The following ANO4 variants were observed in gnomAD, a reference collection of about 807,000 sequenced individuals.
ANO4 encodes the protein anoctamin-4.
Under a neutral mutation model 141.9 loss-of-function variants are expected in ANO4, and 69 were observed. The observed-to-expected ratio is 0.49, with a 90% CI of 0.40 to 0.59. The LOEUF is 0.59. ANO4 is among the 20% of genes least tolerant of loss of function. The probability of loss-of-function intolerance (pLI) is 0.00; values close to 1 mark genes in which losing one functional copy is unlikely to be tolerated. For synonymous variants in ANO4, 350 were observed against 394.3 expected (o/e 0.89, Z 1.33); for missense variants, 894 against 1,162.2 (o/e 0.77, Z 3.36).
intron 14 of ANO4, among the ~76,000 whole-genome samples, chr12:101,067,762 T>C (rs2048651463): frequency 6.6e-6 from 1 of 152,236 alleles, no homozygotes; most frequent in Admixed American, 6.5e-5. Context: ...GAGGCTTAGC[T>C]GATTTTAAAG....
chr12:100,841,761 T>C (rs1446202917), intron 1 of ANO4, among the ~76,000 whole-genome samples: 1 of 152,164 alleles, frequency 6.6e-6, no homozygotes, highest in African/African-American at 2.4e-5. Flanking sequence ...TTCAGAAATA[T>C]AGGATATAAT....
chr12:100,956,268 C>A (rs1053510677), intron 5 of ANO4, among the ~76,000 whole-genome samples: 3 of 152,176 alleles, frequency 2.0e-5, no homozygotes, highest in Admixed American at 6.5e-5. Flanking sequence ...CAAACTTAGC[C>A]AAGATCATGA....
chr12:100,738,032 G>C (rs1230130970), intron 2 of ANO4, among the ~76,000 whole-genome samples: 2 of 152,168 alleles, frequency 1.3e-5, no homozygotes, highest in Admixed American at 1.3e-4. Flanking sequence ...TACTCGATTA[G>C]CTCCTTATTT....
chr12:100,825,518 A>G (rs542674873), intron 1 of ANO4, among the ~76,000 whole-genome samples: 18 of 152,176 alleles, frequency 1.2e-4, no homozygotes, highest in African/African-American at 4.3e-4. Flanking sequence ...ATAATTAACT[A>G]GACACAAATG....
intron 8 of ANO4, among the ~76,000 whole-genome samples, chr12:100,989,897 TGGATGGATG>T (rs922905599): frequency 6.0e-5 from 9 of 150,660 alleles, no homozygotes; most frequent in Non-Finnish European, 1.0e-4. Flanking sequence ...GATGGGTGGA[TGGATGGATG>T]GATGGATGGA....
exon 3 of ANO4, chr12:100,739,859 G>A: frequency 1.4e-6 from 1 of 702,444 alleles, no homozygotes; most frequent in Non-Finnish European, 2.6e-6. Flanking sequence ...ACCAGGTTAT[G>A]ACGTTGCGGG....
chr12:101,086,080 C>G (rs1303127398), intron 16 of ANO4, among the ~76,000 whole-genome samples: 7 of 131,736 alleles, frequency 5.3e-5, no homozygotes, highest in Non-Finnish European at 8.1e-5. Flanking sequence ...GTTAACTAGG[C>G]TGTGTGTGTG....
chr12:101,003,745 T>C (rs542524047), intron 8 of ANO4, among the ~76,000 whole-genome samples: 58 of 152,252 alleles, frequency 3.8e-4, no homozygotes, highest in Non-Finnish European at 7.8e-4. Flanking sequence ...TTAACAATCA[T>C]GTATTGTATA....
chr12:100,844,174 T>G (rs144027622), intron 1 of ANO4, among the ~76,000 whole-genome samples: 1 of 151,888 alleles, frequency 6.6e-6, no homozygotes, highest in Non-Finnish European at 1.5e-5. Flanking sequence ...TAATTTCAGA[T>G]AGTGTTAAGG....
At chr12:100,955,280 C>T (rs572896883) in intron 5 of ANO4, among the ~76,000 whole-genome samples, 5 of 152,314 alleles carry the variant, frequency 3.3e-5, no homozygotes, top group Admixed American at 2.0e-4. Flanking sequence ...GGACATCAGT[C>T]GGAGCAGCAC....
At position 101,004,240 on chromosome 12, in the gene ANO4, G is replaced by T. The variant is rs142331277; in HGVS notation, c.735-15794G>T. 1.2e-4 allele frequency among the ~76,000 whole-genome samples: 19 copies of T among 152,180 alleles called. No homozygotes were observed. In the East Asian group the frequency reaches 3.7e-3, roughly 30 times the overall value. ...AAGTGAAGCAGCTACTGCCTCTAGA[G>T]TTGGGGGAGCAAAATGAAGAGGTTG... On this transcript the variant is annotated intron_variant, in intron 8 of 27. Transcript: ENST00000392977.
chr12:100,735,985 A>T (rs1458763706), intron 2 of ANO4, among the ~76,000 whole-genome samples: 1 of 152,196 alleles, frequency 6.6e-6, no homozygotes, highest in Non-Finnish European at 1.5e-5. Context: ...CCAAGGACCA[A>T]TCTTTGGGGG....
chr12:100,779,684 C>T (rs961687320), intron 3 of ANO4, among the ~76,000 whole-genome samples: 1 of 152,196 alleles, frequency 6.6e-6, no homozygotes, highest in Non-Finnish European at 1.5e-5. Flanking sequence ...GCCAGACTCC[C>T]CAAACATGCT....
intron 1 of ANO4, among the ~76,000 whole-genome samples, chr12:100,733,096 T>C (rs2031450658): frequency 6.6e-6 from 1 of 152,144 alleles, no homozygotes; most frequent in African/African-American, 2.4e-5. Flanking sequence ...CATCTCAGTG[T>C]CCTCCAATCT....
At chr12:100,733,783 T>C (rs974492320) in exon 2 of ANO4, 5 of 701,664 alleles carry the variant, frequency 7.1e-6, no homozygotes, top group African/African-American at 5.2e-5. Context: ...GACAAAGATG[T>C]GAGCAGCGGA....
intron 26 of ANO4, 53 bp from the exon 27 acceptor site, chr12:101,126,826 C>T (rs2051334817): frequency 6.5e-7 from 1 of 1,531,588 alleles, no homozygotes; most frequent in Non-Finnish European, 9.0e-7. Flanking sequence ...ACTCTCTAAC[C>T]TCATTCAGGA....
At chr12:100,926,312 C>A (rs2041867948) in intron 3 of ANO4, among the ~76,000 whole-genome samples, 1 of 152,080 alleles carries the variant, frequency 6.6e-6, no homozygotes, top group Admixed American at 6.6e-5. Flanking sequence ...CTAAAGATGT[C>A]TCAGAGTGGC....
At chr12:100,747,485 A>G (rs76215558) in intron 3 of ANO4, among the ~76,000 whole-genome samples, 4,445 of 152,286 alleles carry the variant, frequency 0.029, 208 homozygotes, top group African/African-American at 0.1. Context: ...TTCCATAAGC[A>G]GGAATCATTG....
chr12:101,088,892 T>TA (rs35482958), intron 17 of ANO4, among the ~76,000 whole-genome samples: 29,501 of 151,862 alleles, frequency 0.19, 3,575 homozygotes, highest in East Asian at 0.53. Context: ...TGTAAAAAAT[T>TA]AAAAAAATTT....
Sources: allele counts gnomAD v4.1 joint callset (sites outside exome capture counted in the v4.1 genomes callset), GRCh38; gene constraint gnomAD v4.1.1; transcripts MANE v1.5; gene names NCBI Gene and HGNC (gene_info 2026-07-23, HGNC 2026-07-21).